The following MGAT4C variants were observed in gnomAD, a reference collection of about 807,000 sequenced individuals.
The protein encoded by MGAT4C is MGAT4 family member C, also known as alpha-1,3-mannosyl-glycoprotein 4-beta-N-acetylglucosaminyltransferase C.
A neutral mutation model predicts 40.1 loss-of-function variants in MGAT4C; 19 were observed. That is an observed-to-expected ratio of 0.47 (90% CI 0.33 to 0.70). The LOEUF is 0.70. Ranked by LOEUF, MGAT4C falls within the 30% of genes least tolerant of loss-of-function variation. MGAT4C has a pLI of 0.02. For synonymous variants in MGAT4C, 181 were observed against 187.1 expected (o/e 0.97, Z 0.27); for missense variants, 491 against 563.2 (o/e 0.87, Z 1.30).
At chr12:86,448,087 A>G (rs1957369500) in intron 2 of MGAT4C, among the ~76,000 whole-genome samples, 1 of 152,134 alleles carries the variant, frequency 6.6e-6, no homozygotes, top group Admixed American at 6.5e-5. Context: ...GCCTTCAGTT[A>G]ATTAGAGAAG....
chr12:86,097,195 A>AG (rs1253651002), intron 1 of MGAT4C, among the ~76,000 whole-genome samples: 1 of 151,648 alleles, frequency 6.6e-6, no homozygotes, highest in Non-Finnish European at 1.5e-5. Context: ...CTGATTCAAC[A>AG]GTCTGTTGCT....
At chr12:86,174,067 C>CT (rs921422251) in intron 1 of MGAT4C, among the ~76,000 whole-genome samples, 4 of 150,152 alleles carry the variant, frequency 2.7e-5, no homozygotes, top group African/African-American at 9.8e-5. Flanking sequence ...ATGATCTGTG[C>CT]TTTTTACAGT....
chr12:86,567,801 A>G (rs147775265), intron 2 of MGAT4C, among the ~76,000 whole-genome samples: 4 of 152,288 alleles, frequency 2.6e-5, no homozygotes, highest in African/African-American at 7.2e-5. Flanking sequence ...TTATTTTGTT[A>G]AGGACATGTT....
intron 1 of MGAT4C, among the ~76,000 whole-genome samples, chr12:86,169,894 G>C (rs1886625627): frequency 6.6e-6 from 1 of 152,154 alleles, no homozygotes; most frequent in South Asian, 2.1e-4. Context: ...AAAAGGTGTT[G>C]CATATTTAAT....
chr12:86,493,202 C>G (rs1433085155), intron 2 of MGAT4C, among the ~76,000 whole-genome samples: 1 of 150,648 alleles, frequency 6.6e-6, no homozygotes, highest in East Asian at 1.9e-4. Flanking sequence ...GTTGGTGGGA[C>G]TGTAAACTAG....
intron 2 of MGAT4C, chr12:86,028,011 T>C (rs1890390030): frequency 1.6e-6 from 1 of 610,628 alleles, no homozygotes; most frequent in African/African-American, 1.9e-5. Context: ...GTTGTATACA[T>C]TCTCCAGGCT....
In MGAT4C at chr12:86,742,829, T is replaced by C. The variant is rs146322618; in HGVS notation, c.-261-15588A>G. On this transcript the variant is annotated intron_variant, in intron 1 of 7. Transcript: ENST00000548651. ...CAATAATAAAAAAATAATACTAACA[T>C]ATCTTAAATCTTCCATCTTGATTAA... is the stretch of plus-strand genomic sequence containing the variant. 2.0e-5 allele frequency among the ~76,000 whole-genome samples: 3 copies of C among 151,720 alleles called. No individual in the cohort carries two copies. In the East Asian group the frequency reaches 5.8e-4, roughly 29 times the overall value.
intron 2 of MGAT4C, among the ~76,000 whole-genome samples, chr12:86,566,169 T>C (rs1231028356): frequency 6.6e-6 from 1 of 152,046 alleles, no homozygotes; most frequent in Non-Finnish European, 1.5e-5. Context: ...GTCAACTTGA[T>C]TGGATTGAAG....
intron 2 of MGAT4C, among the ~76,000 whole-genome samples, chr12:86,558,884 G>A (rs1371266850): frequency 6.6e-6 from 1 of 151,726 alleles, no homozygotes; most frequent in African/African-American, 2.4e-5. Flanking sequence ...TAATAATGTA[G>A]ACTGTAAACA....
chr12:86,315,242 A>G (rs1344678241), intron 4 of MGAT4C, among the ~76,000 whole-genome samples: 1 of 152,098 alleles, frequency 6.6e-6, no homozygotes, highest in Non-Finnish European at 1.5e-5. Context: ...GACAAAGTTA[A>G]AAAAAATAAT....
chr12:86,566,679 T>C (rs1960137862), intron 2 of MGAT4C, among the ~76,000 whole-genome samples: 1 of 145,796 alleles, frequency 6.9e-6, no homozygotes, highest in Non-Finnish European at 1.5e-5. Context: ...GTATAATACA[T>C]ATATGTATAT....
chr12:86,756,787 G>A (rs2136147294), intron 1 of MGAT4C, among the ~76,000 whole-genome samples: 1 of 152,130 alleles, frequency 6.6e-6, no homozygotes, highest in South Asian at 2.1e-4. Flanking sequence ...GAGTATAAAG[G>A]CAGGTGCAAT....
chr12:86,021,131 CT>C (rs1889688361), intron 2 of MGAT4C, among the ~76,000 whole-genome samples: 1 of 152,158 alleles, frequency 6.6e-6, no homozygotes, highest in African/African-American at 2.4e-5. Flanking sequence ...CACTTTTACA[CT>C]GTTGGTTGGA....
At chr12:86,690,702 G>C (rs1452271037) in intron 2 of MGAT4C, among the ~76,000 whole-genome samples, 1 of 152,104 alleles carries the variant, frequency 6.6e-6, no homozygotes, top group Non-Finnish European at 1.5e-5. Flanking sequence ...CCCGCCTTCT[G>C]CTTTGGTCTC....
At chr12:86,595,391 T>A (rs1029065190) in intron 2 of MGAT4C, among the ~76,000 whole-genome samples, 1 of 151,894 alleles carries the variant, frequency 6.6e-6, no homozygotes, top group African/African-American at 2.4e-5. Context: ...ATTAGCAGGA[T>A]GTGGTGGCAC....
intron 4 of MGAT4C, among the ~76,000 whole-genome samples, chr12:86,265,495 G>T (rs1353478076): frequency 3.9e-5 from 6 of 152,112 alleles, no homozygotes; most frequent in African/African-American, 1.4e-4. Flanking sequence ...TTATTTCCGG[G>T]TTCTCTATTC....
intron 1 of MGAT4C, among the ~76,000 whole-genome samples, chr12:86,817,180 T>C (rs1387420324): frequency 6.6e-6 from 1 of 151,254 alleles, no homozygotes; most frequent in Non-Finnish European, 1.5e-5. Flanking sequence ...ACTTTATTCA[T>C]ACAACACAAT....
intron 3 of MGAT4C, among the ~76,000 whole-genome samples, chr12:86,411,422 C>A (rs1311075968): frequency 6.6e-6 from 1 of 152,162 alleles, no homozygotes; most frequent in African/African-American, 2.4e-5. Flanking sequence ...ACAACTCTTA[C>A]TACGATTTTG....
In MGAT4C at chr12:86,332,770, T is replaced by A. The variant is rs570303568; in HGVS notation, c.-57+1295A>T. Among the ~76,000 whole-genome samples, 3 of 152,226 alleles carry A rather than the reference T, an allele frequency of 2.0e-5. No homozygotes were observed. The South Asian group carries it at 6.2e-4, about 32-fold the overall frequency. On this transcript the variant is annotated intron_variant, in intron 4 of 7. Coordinates refer to the MGAT4C transcript ENST00000548651. ...TAAAGGAGCTATGAAAGTGCATCCA[T>A]CAAGAGCTAGGCCATTAAATTGAAA... is the stretch of plus-strand genomic sequence containing the variant.
Sources: allele counts gnomAD v4.1 joint callset (sites outside exome capture counted in the v4.1 genomes callset), GRCh38; gene constraint gnomAD v4.1.1; transcripts MANE v1.5; gene names NCBI Gene and HGNC (gene_info 2026-07-23, HGNC 2026-07-21).